Variants in CSMD3 observed in about 807,000 individuals in gnomAD.
CSMD3 encodes CUB and sushi domain-containing protein 3.
CSMD3 carries 177 observed loss-of-function variants against 435.2 expected under a neutral mutation model. That is an observed-to-expected ratio of 0.41 (90% CI 0.36 to 0.46). CSMD3 has a LOEUF of 0.46. CSMD3 is among the 20% of genes least tolerant of loss of function. The pLI is 0.34. For synonymous variants in CSMD3, 1,656 were observed against 1,520.5 expected, an observed-to-expected ratio of 1.09 and a Z score of -2.07; for missense variants, 4,265 against 4,504.6, an observed-to-expected ratio of 0.95 and a Z score of 1.52.
intron 22 of CSMD3, among the ~76,000 whole-genome samples, chr8:112,625,655 C>G (rs181303047): frequency 5.9e-5 from 9 of 152,074 alleles, no homozygotes; most frequent in Non-Finnish European, 1.0e-4. Flanking sequence ...TTGAGCATAC[C>G]AATAATTGAG....
At chr8:112,891,735 G>T (rs2081797595) in intron 10 of CSMD3, among the ~76,000 whole-genome samples, 2 of 151,420 alleles carry the variant, frequency 1.3e-5, no homozygotes, top group South Asian at 2.1e-4. Context: ...TATAAAATGG[G>T]TTTATTTCTG....
At chr8:113,192,177 T>C (rs904256633) in intron 3 of CSMD3, among the ~76,000 whole-genome samples, 47 of 151,688 alleles carry the variant, frequency 3.1e-4, no homozygotes, top group African/African-American at 1.1e-3. Flanking sequence ...CCATGTACAT[T>C]AGGATTTGGA....
At chr8:113,001,239 T>C (rs1475303148) in intron 6 of CSMD3, among the ~76,000 whole-genome samples, 2 of 152,046 alleles carry the variant, frequency 1.3e-5, no homozygotes, top group Non-Finnish European at 2.9e-5. Flanking sequence ...AGCTTAAACA[T>C]ATTTTCCCTC....
intron 7 of CSMD3, among the ~76,000 whole-genome samples, chr8:112,970,839 G>A (rs1464235507): frequency 7.9e-5 from 12 of 150,982 alleles, no homozygotes; most frequent in Non-Finnish European, 1.6e-4. Context: ...CTCCTGCCTC[G>A]GCCTCCCGAG....
intron 12 of CSMD3, among the ~76,000 whole-genome samples, chr8:112,816,572 T>C (rs569257460): frequency 6.6e-6 from 1 of 152,074 alleles, no homozygotes; most frequent in Non-Finnish European, 1.5e-5. Context: ...GTATAACTCC[T>C]TGGATGCAGA....
At chr8:113,003,700 A>C (rs2085950386) in intron 6 of CSMD3, among the ~76,000 whole-genome samples, 1 of 152,076 alleles carries the variant, frequency 6.6e-6, no homozygotes, top group African/African-American at 2.4e-5. Flanking sequence ...GAAAAAGCAT[A>C]ACTTTGGATT....
rs190403472 is a variant in CSMD3, at chr8:113,150,570, G to A, written c.709+23152C>T. 6.8e-3 allele frequency among the ~76,000 whole-genome samples: 1,035 copies of A among 152,038 alleles called. 7 individuals are homozygous for A. Among genetic ancestry groups the A allele is most frequent in the Middle Eastern group, 0.02 (6 of 294 alleles). On this transcript the variant is annotated intron_variant, in intron 4 of 70. Coordinates refer to ENST00000297405, the MANE Select transcript of CSMD3 (RefSeq NM_198123.2). ...AGCAGAGGATCCAGCTAACCCATGC[G>A]CATATTCCTGACCTACAGACACTAT...
At chr8:112,240,703 T>C (rs977770684) in intron 66 of CSMD3, among the ~76,000 whole-genome samples, 1 of 152,092 alleles carries the variant, frequency 6.6e-6, no homozygotes, top group Non-Finnish European at 1.5e-5. Context: ...CATGATATGG[T>C]TTGGCTCTGT....
At chr8:112,984,888 A>T (rs989734469) in intron 6 of CSMD3, among the ~76,000 whole-genome samples, 2 of 152,072 alleles carry the variant, frequency 1.3e-5, no homozygotes, top group Non-Finnish European at 1.5e-5. Context: ...ATTCTAAACC[A>T]TCCTAACTGT....
At chr8:112,644,723 G>C (rs934622737) in intron 20 of CSMD3, among the ~76,000 whole-genome samples, 18 of 152,100 alleles carry the variant, frequency 1.2e-4, no homozygotes, top group Admixed American at 3.3e-4. Flanking sequence ...CATACTAGTT[G>C]CTTTAAAAAT....
intron 9 of CSMD3, among the ~76,000 whole-genome samples, chr8:112,925,566 T>G (rs1425992015): frequency 6.6e-6 from 1 of 151,680 alleles, no homozygotes; most frequent in Non-Finnish European, 1.5e-5. Flanking sequence ...AAAAAAAAAT[T>G]AAATATTTTC....
intron 5 of CSMD3, among the ~76,000 whole-genome samples, chr8:113,029,635 A>C (rs2087008114): frequency 6.6e-6 from 1 of 151,646 alleles, no homozygotes; most frequent in Non-Finnish European, 1.5e-5. Flanking sequence ...TTAATGTAAT[A>C]AAAGCCATCT....
rs768635561 is a variant in CSMD3, at chr8:113,098,760, T to C, written c.913A>G (p.Ile305Val). 10 of 1,597,580 alleles carry C rather than the reference T, an allele frequency of 6.3e-6. No individual in the cohort carries two copies. In the South Asian group the frequency reaches 9.9e-5, roughly 16 times the overall value. ...TAATAGAAGCTATTTACTTACCATA[T>C]GGTAGGTGGCTCAGAACCTTCTATT... ...LEIEGSEPPT[I>V]WLSGMNIPPP... Residue 305 changes from isoleucine (I) to valine (V), a missense_variant, in exon 5 of 71, where the codon ATA (isoleucine) becomes GTA (valine). Physicochemically the swap from Ile to Val is conservative, Grantham distance 29. This residue lies in a region of CSMD3 where 731 missense variants were observed against 755.4 expected (regional missense o/e 0.97). Coordinates refer to ENST00000297405, the MANE Select transcript of CSMD3 (RefSeq NM_198123.2).
chr8:113,262,443 T>G (rs957271675), intron 3 of CSMD3, among the ~76,000 whole-genome samples: 4 of 152,162 alleles, frequency 2.6e-5, no homozygotes, highest in Admixed American at 1.3e-4. Flanking sequence ...GCTCCAAGAT[T>G]TCCACTCCTT....
intron 13 of CSMD3, among the ~76,000 whole-genome samples, chr8:112,795,301 A>T (rs577006415): frequency 6.6e-6 from 1 of 152,248 alleles, no homozygotes; most frequent in African/African-American, 2.4e-5. Flanking sequence ...ACAGAAATGA[A>T]AGTTTGTCCC....
chr8:112,446,335 T>G (rs1374381601), intron 32 of CSMD3, among the ~76,000 whole-genome samples: 1 of 152,234 alleles, frequency 6.6e-6, no homozygotes, highest in Non-Finnish European at 1.5e-5. Flanking sequence ...CACAGTGGCA[T>G]GCTGATATTG....
intron 23 of CSMD3, among the ~76,000 whole-genome samples, chr8:112,585,016 G>A (rs1347884191): frequency 1.3e-5 from 2 of 151,564 alleles, no homozygotes; most frequent in South Asian, 2.1e-4. Flanking sequence ...ATGTCAAAGG[G>A]TATCTTTCAG....
rs1457424292 is a variant in CSMD3, at chr8:112,346,126, G to T, written c.6413C>A (p.Thr2138Lys). Residue 2138 changes from threonine (T) to lysine (K), a missense_variant, in exon 41 of 71, where the codon ACA becomes AAA. Thr to Lys is a moderately conservative substitution (Grantham distance 78). This residue lies in a region of CSMD3 where 3,255 missense variants were observed against 3,380.2 expected (regional missense o/e 0.96). Transcript: ENST00000297405. The part of the protein sequence containing the change: ...PGNYPSSLDC[T>K]WTINLPIGFG... The stretch of plus-strand genomic sequence containing the variant: ...ACCTATGGGTAGATTTATTGTCCAT[G>T]TGCAATCTAAACTGCTGGGATAGTT... The T allele has an allele frequency of 6.2e-7, 1 of 1,608,460 alleles. No individual in the cohort carries two copies. Among genetic ancestry groups the T allele is most frequent in the Non-Finnish European group, 8.5e-7 (1 of 1,174,956 alleles).
intron 5 of CSMD3, among the ~76,000 whole-genome samples, chr8:113,085,403 A>G (rs948257681): frequency 2.6e-5 from 4 of 152,262 alleles, no homozygotes; most frequent in Middle Eastern, 6.8e-3. Flanking sequence ...AAACTACCAT[A>G]TGATCCAGCA....
Sources: allele counts gnomAD v4.1 joint callset (sites outside exome capture counted in the v4.1 genomes callset), GRCh38; gene constraint gnomAD v4.1.1; regional missense constraint gnomAD v4.1.1; transcripts MANE v1.5; gene names NCBI Gene and HGNC (gene_info 2026-07-23, HGNC 2026-07-21).